The following CSMD3 variants were observed in gnomAD, a reference collection of about 807,000 sequenced individuals.
CSMD3 encodes CUB and sushi domain-containing protein 3.
A neutral mutation model predicts 435.2 loss-of-function variants in CSMD3; 177 were observed. The ratio of observed to expected loss-of-function variants is 0.41; its 90% confidence interval spans 0.36 to 0.46. The LOEUF (loss-of-function observed/expected upper bound fraction) is 0.46. CSMD3 is among the 20% of genes least tolerant of loss of function. The pLI is 0.34. For synonymous variants in CSMD3, 1,656 were observed against 1,520.5 expected (o/e 1.09, Z -2.07); for missense variants, 4,265 against 4,504.6 (o/e 0.95, Z 1.52).
intron 11 of CSMD3, among the ~76,000 whole-genome samples, chr8:112,852,018 G>A (rs1293561764): frequency 2.0e-5 from 3 of 152,064 alleles, no homozygotes; most frequent in Non-Finnish European, 2.9e-5. Context: ...GGAGCCAGGA[G>A]CAGCAAGTCA....
In CSMD3 at chr8:112,224,672, G is replaced by T; in HGVS notation, c.*99C>A. The T allele has an allele frequency of 8.3e-7, 1 of 1,197,708 alleles. No homozygotes were observed. Among genetic ancestry groups the T allele is most frequent in the Non-Finnish European group, 1.2e-6 (1 of 800,878 alleles). The allele number at this position is 1,197,708 out of a possible 1,614,324, so 74.2% of individuals were successfully genotyped here. On this transcript the variant is annotated 3_prime_UTR_variant, in exon 71 of 71. Transcript: ENST00000297405. The stretch of plus-strand genomic sequence containing the variant: ...TCCTCAGGAAAAGGTGACCCAGCAA[G>T]TCCTGAAAAGTGTGCTTTAATTTGT...
At chr8:112,957,624 T>A (rs1466373478) in intron 7 of CSMD3, among the ~76,000 whole-genome samples, 1 of 151,944 alleles carries the variant, frequency 6.6e-6, no homozygotes, top group Non-Finnish European at 1.5e-5. Flanking sequence ...CTAATTTTCG[T>A]AGTTATAATA....
chr8:112,310,092 T>G (rs958398506), intron 50 of CSMD3: 2 of 152,244 alleles, frequency 1.3e-5, no homozygotes, highest in African/African-American at 2.4e-5. Context: ...TTAAGTATTT[T>G]AAAATTTTCA....
At chr8:113,079,873 T>A (rs890271207) in intron 5 of CSMD3, among the ~76,000 whole-genome samples, 1 of 152,170 alleles carries the variant, frequency 6.6e-6, no homozygotes, top group Non-Finnish European at 1.5e-5. Context: ...ATACGCAAAG[T>A]CATATAAGCA....
chr8:112,868,413 G>A (rs780625312), intron 10 of CSMD3, among the ~76,000 whole-genome samples: 2 of 152,134 alleles, frequency 1.3e-5, no homozygotes, highest in African/African-American at 2.4e-5. Flanking sequence ...AAAATATTGT[G>A]TAGTGTACAT....
chr8:112,745,906 A>T (rs1437656260), intron 13 of CSMD3, among the ~76,000 whole-genome samples: 1 of 152,182 alleles, frequency 6.6e-6, no homozygotes, highest in Non-Finnish European at 1.5e-5. Flanking sequence ...TAAGAACTAA[A>T]GAAACATTTT....
intron 32 of CSMD3, among the ~76,000 whole-genome samples, chr8:112,452,459 G>GA (rs1816393049): frequency 6.8e-6 from 1 of 146,938 alleles, no homozygotes; most frequent in Admixed American, 6.7e-5. Flanking sequence ...AGACAAAAAT[G>GA]AAACCAGGTG....
chr8:113,292,705 A>G (rs2093694547), intron 2 of CSMD3, among the ~76,000 whole-genome samples: 2 of 151,912 alleles, frequency 1.3e-5, no homozygotes, highest in African/African-American at 4.8e-5. Context: ...TAGTTATATT[A>G]ACAGTTGCCA....
chr8:112,961,002 T>A (rs779328660), intron 7 of CSMD3, among the ~76,000 whole-genome samples: 20 of 151,778 alleles, frequency 1.3e-4, no homozygotes, highest in Non-Finnish European at 2.1e-4. Context: ...GATGTGTAAA[T>A]ATCAAATGTA....
chr8:112,228,052 T>C (rs1008258845), intron 70 of CSMD3, among the ~76,000 whole-genome samples: 2 of 151,872 alleles, frequency 1.3e-5, no homozygotes, highest in African/African-American at 4.8e-5. Context: ...AAAAAATATA[T>C]ATATATATCA....
intron 7 of CSMD3, among the ~76,000 whole-genome samples, chr8:112,970,395 CAA>C (rs11284034): frequency 1.2e-3 from 102 of 82,152 alleles, no homozygotes; most frequent in East Asian, 3.4e-3. Flanking sequence ...GACTCCCTCT[CAA>C]AAAAAAAAAA....
At chr8:113,082,250 C>T (rs1008872063) in intron 5 of CSMD3, among the ~76,000 whole-genome samples, 1 of 152,186 alleles carries the variant, frequency 6.6e-6, no homozygotes, top group Non-Finnish European at 1.5e-5. Flanking sequence ...TGGGGCCCAT[C>T]ACCCCCACTG....
intron 1 of CSMD3, among the ~76,000 whole-genome samples, chr8:113,421,501 T>C (rs1440045843): frequency 1.3e-5 from 2 of 152,202 alleles, no homozygotes; most frequent in Admixed American, 1.3e-4. Context: ...AGAATGCATA[T>C]ACTTCATGTT....
rs189814549 is a variant in CSMD3 at position 112,581,758 on chromosome 8, A to T, written c.3885+5308T>A. Among the ~76,000 whole-genome samples the T allele has an allele frequency of 3.0e-4, 45 of 152,204 alleles. No homozygotes were observed. The East Asian group carries it at 6.6e-3, about 22-fold the overall frequency. On this transcript the variant is annotated intron_variant, in intron 23 of 70. Transcript: ENST00000297405. ...GAGAAGACAAAAATTAAAGGAATTA[A>T]CTATGAATGCATAATATTTCAGGTT...
At chr8:112,579,225 T>G (rs1295887637) in intron 23 of CSMD3, among the ~76,000 whole-genome samples, 2 of 152,096 alleles carry the variant, frequency 1.3e-5, no homozygotes, top group African/African-American at 4.8e-5. Context: ...AAATATTTCT[T>G]CAATATATAG....
At chr8:112,614,480 C>T (rs897144484) in intron 22 of CSMD3, among the ~76,000 whole-genome samples, 9 of 151,954 alleles carry the variant, frequency 5.9e-5, no homozygotes, top group African/African-American at 1.2e-4. Flanking sequence ...CTGCCCTCAC[C>T]CCATCTTTTT....
At chr8:113,059,424 T>G (rs1195613307) in intron 5 of CSMD3, among the ~76,000 whole-genome samples, 2 of 152,174 alleles carry the variant, frequency 1.3e-5, no homozygotes, top group African/African-American at 4.8e-5. Context: ...TTCCCTAGTT[T>G]ACAATCCACT....
chr8:112,925,819 G>A (rs2082892909), intron 9 of CSMD3, among the ~76,000 whole-genome samples: 1 of 152,210 alleles, frequency 6.6e-6, no homozygotes, highest in Admixed American at 6.5e-5. Context: ...GCCCATGGAT[G>A]TCCTCTGATT....
rs528818508 is a variant in CSMD3 at position 113,345,807 on chromosome 8, T to G, written c.179-31014A>C. 2.8e-4 allele frequency among the ~76,000 whole-genome samples: 42 copies of G among 152,240 alleles called. No homozygotes were observed. The Middle Eastern group carries it at 0.02, about 74-fold the overall frequency. On this transcript the variant is annotated intron_variant, in intron 1 of 70. Transcript: ENST00000297405. ...AGACAGGCACAGTAAGAAGAATCATTGAGAGTAGTTGCCCAGGTTATACAG... is the reference window on the plus strand; with the variant it reads ...AGACAGGCACAGTAAGAAGAATCATGGAGAGTAGTTGCCCAGGTTATACAG...
Sources: gnomAD v4.1 joint callset for allele counts (sites outside exome capture counted in the v4.1 genomes callset) on GRCh38, gnomAD v4.1.1 for gene constraint, MANE v1.5 for transcripts, NCBI Gene and HGNC (gene_info 2026-07-23, HGNC 2026-07-21) for gene names.